The following CSMD1 variants were observed in gnomAD, a reference collection of about 807,000 sequenced individuals.
The protein encoded by CSMD1 is CUB and Sushi multiple domains 1, also known as CUB and sushi domain-containing protein 1.
Under a neutral mutation model 417.5 loss-of-function variants are expected in CSMD1, and 213 were observed. The observed-to-expected ratio is 0.51, with a 90% CI of 0.46 to 0.57. CSMD1 has a LOEUF of 0.57. CSMD1 is among the 20% of genes least tolerant of loss of function. The pLI, the probability that CSMD1 is intolerant of heterozygous loss-of-function variation, is 0.00. For synonymous variants in CSMD1, 2,862 were observed against 1,736.8 expected (o/e 1.65, Z -16.11); for missense variants, 6,923 against 4,529.7 (o/e 1.53, Z -15.17).
intron 10 of CSMD1, among the ~76,000 whole-genome samples, chr8:3,522,187 C>T (rs1425429772): frequency 2.0e-5 from 3 of 152,060 alleles, no homozygotes; most frequent in Admixed American, 6.6e-5. Context: ...TGTGAAAAAT[C>T]GTTATATGAT....
chr8:3,701,261 C>G (rs910091537), intron 7 of CSMD1, among the ~76,000 whole-genome samples: 2 of 152,178 alleles, frequency 1.3e-5, no homozygotes, highest in African/African-American at 4.8e-5. Flanking sequence ...ATTGGATCAT[C>G]TCGGGACAAC....
intron 5 of CSMD1, among the ~76,000 whole-genome samples, chr8:3,894,229 C>A (rs553170471): frequency 6.6e-6 from 1 of 152,120 alleles, no homozygotes; most frequent in African/African-American, 2.4e-5. Context: ...ACGCAGGTAT[C>A]ACAACAGCTG....
chr8:4,193,329 C>T (rs573660961), intron 3 of CSMD1, among the ~76,000 whole-genome samples: 139 of 151,666 alleles, frequency 9.2e-4, no homozygotes, highest in African/African-American at 3.4e-3. Flanking sequence ...AAAGAACGTC[C>T]TCCAATAAAA....
rs1482749689 is a variant in CSMD1 at position 3,586,124 on chromosome 8, C to T, written c.1222+12G>A. 2 of 1,608,780 alleles carry T rather than the reference C, an allele frequency of 1.2e-6. No homozygotes were observed. The highest frequency in any genetic ancestry group is 2.7e-5 in the African/African-American group (2 of 74,646). ...GAGATAATCCAGGCTTTACCCACCGCAGGTGCCTTACCTCGGCAGATGGGC... is the reference window on the plus strand; with the variant it reads ...GAGATAATCCAGGCTTTACCCACCGTAGGTGCCTTACCTCGGCAGATGGGC... On this transcript the variant is annotated intron_variant, in intron 9 of 69. Coordinates refer to ENST00000635120, the MANE Select transcript of CSMD1 (RefSeq NM_033225.6).
In CSMD1 at chr8:2,949,280, T is replaced by C. The variant is rs767372626; in HGVS notation, c.10402+19A>G. 3 of 1,405,376 alleles carry C rather than the reference T, an allele frequency of 2.1e-6. No homozygotes were observed. The highest frequency in any genetic ancestry group is 1.4e-5 in the African/African-American group (1 of 70,530). 87.1% of individuals were successfully genotyped at this position (1,405,376 alleles called of 1,614,324 possible). ...CCAAACTGATATTTGCTTTAAAATA[T>C]ATCCTAAGTGCAACTTACCTTGCCT... On this transcript the variant is annotated intron_variant, in intron 68 of 69. Transcript: ENST00000635120.
intron 1 of CSMD1, among the ~76,000 whole-genome samples, chr8:4,748,020 C>A (rs568720801): frequency 7.0e-4 from 106 of 152,306 alleles, no homozygotes; most frequent in African/African-American, 2.4e-3. Context: ...TATCCATCTT[C>A]CAAACTCTAT....
intron 3 of CSMD1, among the ~76,000 whole-genome samples, chr8:4,259,669 T>C (rs1803734024): frequency 6.6e-6 from 1 of 152,308 alleles, no homozygotes; most frequent in Non-Finnish European, 1.5e-5. Context: ...CTACTGGCAG[T>C]ACTGGGTCCT....
At chr8:4,675,150 T>C (rs1214063515) in intron 1 of CSMD1, among the ~76,000 whole-genome samples, 1 of 152,230 alleles carries the variant, frequency 6.6e-6, no homozygotes, top group Non-Finnish European at 1.5e-5. Context: ...ATAACATTTA[T>C]ATAGTTTCAG....
chr8:4,989,447 G>C (rs931656301), intron 1 of CSMD1, among the ~76,000 whole-genome samples: 3 of 152,162 alleles, frequency 2.0e-5, no homozygotes, highest in African/African-American at 7.2e-5. Flanking sequence ...AAATACTGTA[G>C]ACTGTGGAAG....
rs1296470003 is a variant in CSMD1 at position 4,303,420 on chromosome 8, CTGTTTTTT to C, written c.415+116525_415+116532del. Among the ~76,000 whole-genome samples, 75 of 92,310 alleles carry C rather than the reference CTGTTTTTT, an allele frequency of 8.1e-4. 1 individual carries two copies. The highest frequency in any genetic ancestry group is 2.8e-3 in the African/African-American group (65 of 23,010). The allele number at this position is 92,310 out of a possible 152,430, so 60.6% of individuals were successfully genotyped here. A position where few individuals can be genotyped will look rare whatever the true frequency, so the allele number is the denominator to read the frequency against. ...TCTCATTTATATATTGGGCAGGAAG[CTGTTTTTT>C]TTTTTTTTTTTTTTTTTTTTTTTTT... is the stretch of plus-strand genomic sequence containing the variant. On this transcript the variant is annotated intron_variant, in intron 3 of 69. Coordinates refer to ENST00000635120, the MANE Select transcript of CSMD1 (RefSeq NM_033225.6).
At chr8:4,990,250 G>A (rs13273361) in intron 1 of CSMD1, among the ~76,000 whole-genome samples, 31,027 of 152,104 alleles carry the variant, frequency 0.2, 3,973 homozygotes, top group Non-Finnish European at 0.29. Context: ...AAAGCTTTCC[G>A]CTGAACAGTT....
In CSMD1 at chr8:2,956,708, G is replaced by A. The variant is rs188380741; in HGVS notation, c.9815-940C>T. ...CCTGACCTCGTGATCCACCTGCCTCGGCCTCCCAAAATGCTGGGATTATAG... is the reference window on the plus strand; with the variant it reads ...CCTGACCTCGTGATCCACCTGCCTCAGCCTCCCAAAATGCTGGGATTATAG... On this transcript the variant is annotated intron_variant, in intron 63 of 69. Transcript: ENST00000635120. Among the ~76,000 whole-genome samples the A allele has an allele frequency of 3.0e-3, 458 of 152,040 alleles. 2 individuals carry two copies. The highest frequency in any genetic ancestry group is 4.6e-3 in the Non-Finnish European group (310 of 67,994).
At position 4,359,556 on chromosome 8, in the gene CSMD1, G is replaced by C. The variant is rs145577595; in HGVS notation, c.415+60397C>G. 3.1e-3 allele frequency among the ~76,000 whole-genome samples: 478 copies of C among 152,284 alleles called. 1 individual carries two copies. The highest frequency in any genetic ancestry group is 0.011 in the African/African-American group (470 of 41,552). On this transcript the variant is annotated intron_variant, in intron 3 of 69. Transcript: ENST00000635120. ...CTCCTTCCAATCCTCTTGCGCAGAA[G>C]AGCCCTGTGTTCCTTGGAGATTACA...
intron 1 of CSMD1, among the ~76,000 whole-genome samples, chr8:4,880,786 T>C (rs1366351858): frequency 6.6e-6 from 1 of 152,138 alleles, no homozygotes; most frequent in Non-Finnish European, 1.5e-5. Flanking sequence ...TCTTTGTGCA[T>C]TTTCTTCCTG....
At chr8:4,100,870 T>C (rs1360527949) in intron 3 of CSMD1, among the ~76,000 whole-genome samples, 2 of 152,272 alleles carry the variant, frequency 1.3e-5, no homozygotes, top group South Asian at 2.1e-4. Context: ...AAATATATGT[T>C]AGAAAGCCTC....
At chr8:4,614,496 T>A (rs1801362834) in intron 2 of CSMD1, among the ~76,000 whole-genome samples, 1 of 152,192 alleles carries the variant, frequency 6.6e-6, no homozygotes, top group South Asian at 2.1e-4. Context: ...GATCTCTTTA[T>A]TTTTAAGATT....
chr8:4,799,500 G>A (rs747483175), intron 1 of CSMD1, among the ~76,000 whole-genome samples: 1 of 149,656 alleles, frequency 6.7e-6, no homozygotes, highest in Non-Finnish European at 1.5e-5. Flanking sequence ...TCTAGAGCCT[G>A]GGGCAGGAGA....
At chr8:4,604,016 T>C (rs1381015353) in intron 2 of CSMD1, among the ~76,000 whole-genome samples, 1 of 152,162 alleles carries the variant, frequency 6.6e-6, no homozygotes, top group Non-Finnish European at 1.5e-5. Flanking sequence ...GAATTTTATA[T>C]AGAAACTGGA....
intron 5 of CSMD1, among the ~76,000 whole-genome samples, chr8:3,855,788 G>T (rs972273376): frequency 6.6e-6 from 1 of 152,130 alleles, no homozygotes; most frequent in South Asian, 2.1e-4. Context: ...GTAAAGACAA[G>T]CTTTCTGTAG....
Sources: allele counts gnomAD v4.1 joint callset (sites outside exome capture counted in the v4.1 genomes callset), GRCh38; gene constraint gnomAD v4.1.1; transcripts MANE v1.5; gene names NCBI Gene and HGNC (gene_info 2026-07-23, HGNC 2026-07-21).